GLP2R: variants seen among roughly 807,000 people sequenced by gnomAD.
GLP2R encodes glucagon like peptide 2 receptor, also known as glucagon-like peptide 2 receptor.
A neutral mutation model predicts 68.2 loss-of-function variants in GLP2R; 59 were observed. That is an observed-to-expected ratio of 0.87 (90% confidence interval 0.70 to 1.07). The LOEUF (loss-of-function observed/expected upper bound fraction) is 1.07, where lower values mean the gene tolerates loss of function less well. Ranked by LOEUF, GLP2R falls within the 50% of genes least tolerant of loss-of-function variation. The pLI is 0.00. For synonymous variants in GLP2R, 270 were observed against 265.4 expected (o/e 1.02, Z -0.17); for missense variants, 548 against 677.4 (o/e 0.81, Z 2.12).
At chr17:9,877,328 T>C (rs1005257798) in intron 10 of GLP2R, among the ~76,000 whole-genome samples, 1 of 152,194 alleles carries the variant, frequency 6.6e-6, no homozygotes, top group East Asian at 1.9e-4. Flanking sequence ...GGGACACAAA[T>C]AGTACTTCGT....
In GLP2R at chr17:9,890,393, G is replaced by T. The variant is rs763922471; in HGVS notation, c.*688G>T. The stretch of plus-strand genomic sequence containing the variant: ...ACCCACCAGAGTGCCACTCCTCTCT[G>T]CTCTTCCTCTCCTATCAAGTCTTGC... On this transcript the variant is annotated 3_prime_UTR_variant, in exon 13 of 13. Coordinates refer to ENST00000262441, the MANE Select transcript of GLP2R (RefSeq NM_004246.3). The T allele has an allele frequency of 1.8e-5, 4 of 224,638 alleles. No individual in the cohort carries two copies. Among genetic ancestry groups the T allele is most frequent in the Non-Finnish European group, 3.6e-5 (4 of 112,652 alleles). 13.9% of individuals were successfully genotyped at this position (224,638 alleles called of 1,614,324 possible). A position where few individuals can be genotyped will look rare whatever the true frequency, so the allele number is the denominator to read the frequency against.
rs548018164 is a variant in GLP2R at position 9,885,629 on chromosome 17, A to G, written c.1285-2303A>G. 7.9e-5 allele frequency among the ~76,000 whole-genome samples: 12 copies of G among 152,140 alleles called. 1 individual carries two copies. The East Asian group carries it at 2.3e-3, about 29-fold the overall frequency. On this transcript the variant is annotated intron_variant, in intron 11 of 12. Transcript: ENST00000262441. ...CTCACAGCATGGCGGCTGGACTCTC[A>G]GGACCTTCCTCCATCTTACTTCCTC...
chr17:9,849,476 T>C (rs1397254892), intron 4 of GLP2R, among the ~76,000 whole-genome samples: 1 of 152,166 alleles, frequency 6.6e-6, no homozygotes, highest in Non-Finnish European at 1.5e-5. Flanking sequence ...CCCAAACTTT[T>C]ATAGCTTTTC....
At chr17:9,833,429 T>C (rs140634825) in intron 1 of GLP2R, among the ~76,000 whole-genome samples, 1 of 152,330 alleles carries the variant, frequency 6.6e-6, no homozygotes, top group Non-Finnish European at 1.5e-5. Context: ...CTCTGGTCCT[T>C]CTGTCACATT....
chr17:9,865,835 C>T (rs1444506722), intron 9 of GLP2R: 1 of 471,182 alleles, frequency 2.1e-6, no homozygotes, highest in Admixed American at 2.3e-5. Flanking sequence ...TGTCTACAGG[C>T]ACTTGGACTA....
chr17:9,830,792 A>C (rs2066673245), intron 1 of GLP2R, among the ~76,000 whole-genome samples: 1 of 152,172 alleles, frequency 6.6e-6, no homozygotes, highest in South Asian at 2.1e-4. Context: ...TCTCTTTGCA[A>C]AGCTGGGTTT....
chr17:9,831,164 A>C (rs1453867431), intron 1 of GLP2R, among the ~76,000 whole-genome samples: 1 of 152,170 alleles, frequency 6.6e-6, no homozygotes, highest in Non-Finnish European at 1.5e-5. Context: ...ATAACCTTAA[A>C]TCTACCTGGC....
At chr17:9,874,107 A>G (rs1213981700) in intron 10 of GLP2R, among the ~76,000 whole-genome samples, 1 of 152,190 alleles carries the variant, frequency 6.6e-6, no homozygotes, top group Non-Finnish European at 1.5e-5. Context: ...ATATATATAC[A>G]ATGCCTATTA....
chr17:9,879,845 C>A (rs775986028), intron 10 of GLP2R, among the ~76,000 whole-genome samples: 1 of 152,188 alleles, frequency 6.6e-6, no homozygotes, highest in Non-Finnish European at 1.5e-5. Flanking sequence ...AAGGAGTCTG[C>A]AGGTCGGAAC....
At chr17:9,887,527 TAACA>T (rs1022241152) in intron 11 of GLP2R, among the ~76,000 whole-genome samples, 11 of 151,980 alleles carry the variant, frequency 7.2e-5, no homozygotes, top group Admixed American at 6.6e-5. Flanking sequence ...ACTCCATCTC[TAACA>T]AACAAACAAA....
chr17:9,865,996 C>A (rs947048908), intron 9 of GLP2R: 1 of 452,498 alleles, frequency 2.2e-6, no homozygotes, highest in Non-Finnish European at 4.6e-6. Context: ...CTGTCCTGAA[C>A]AATAAGGAGC....
intron 9 of GLP2R, among the ~76,000 whole-genome samples, chr17:9,862,838 C>G (rs932205020): frequency 1.3e-5 from 2 of 152,210 alleles, no homozygotes; most frequent in Non-Finnish European, 2.9e-5. Context: ...TCTGCCCACC[C>G]TGTTCCCCAA....
At chr17:9,850,891 C>T (rs552627801) in intron 4 of GLP2R, among the ~76,000 whole-genome samples, 1 of 152,040 alleles carries the variant, frequency 6.6e-6, no homozygotes, top group African/African-American at 2.4e-5. Flanking sequence ...ATGGGGTTTG[C>T]CATGTTGGCC....
intron 2 of GLP2R, among the ~76,000 whole-genome samples, chr17:9,834,969 C>A (rs544820053): frequency 4.2e-4 from 64 of 152,012 alleles, no homozygotes; most frequent in African/African-American, 1.5e-3. Flanking sequence ...GTGTCCCAAG[C>A]CAGCTCATAA....
chr17:9,827,515 G>A (rs143419726), intron 1 of GLP2R, among the ~76,000 whole-genome samples: 6 of 152,282 alleles, frequency 3.9e-5, no homozygotes, highest in East Asian at 3.9e-4. Context: ...ATCCTCTATC[G>A]TTGGGCATGC....
intron 4 of GLP2R, 86 bp downstream of exon 4, chr17:9,842,702 G>A: frequency 4.8e-6 from 7 of 1,453,276 alleles, no homozygotes; most frequent in Non-Finnish European, 5.7e-6. Context: ...GGCTCCAGGG[G>A]CCACACAAAG....
intron 3 of GLP2R, among the ~76,000 whole-genome samples, chr17:9,840,456 C>T (rs928305343): frequency 3.9e-5 from 6 of 152,348 alleles, no homozygotes; most frequent in Admixed American, 1.3e-4. Flanking sequence ...ACCATTCACT[C>T]ATTCAACTAA....
chr17:9,826,651 A>G (rs1441266753), intron 1 of GLP2R, among the ~76,000 whole-genome samples: 2 of 151,986 alleles, frequency 1.3e-5, no homozygotes, highest in Non-Finnish European at 2.9e-5. Context: ...GAGCAAATCC[A>G]TTTTTCTTTT....
chr17:9,835,402 C>T (rs535491456), intron 2 of GLP2R, among the ~76,000 whole-genome samples: 1 of 151,992 alleles, frequency 6.6e-6, no homozygotes, highest in Non-Finnish European at 1.5e-5. Flanking sequence ...CCAGGAGGCC[C>T]ATAAGGTGGA....
Sources: allele counts gnomAD v4.1 joint callset (sites outside exome capture counted in the v4.1 genomes callset), GRCh38; gene constraint gnomAD v4.1.1; transcripts MANE v1.5; gene names NCBI Gene and HGNC (gene_info 2026-07-23, HGNC 2026-07-21).